Variants in MYOF observed in about 807,000 individuals in gnomAD.
MYOF encodes fer-1-like 3, myoferlin.
Under a neutral mutation model 284.2 loss-of-function variants are expected in MYOF, and 244 were observed. The ratio of observed to expected loss-of-function variants is 0.86; its 90% CI spans 0.77 to 0.95. MYOF has a LOEUF of 0.95. MYOF is among the 40% of genes least tolerant of loss of function. The probability of loss-of-function intolerance (pLI) is 0.00; values close to 1 mark genes in which losing one functional copy is unlikely to be tolerated. For synonymous variants in MYOF, 904 were observed against 919.7 expected (o/e 0.98, Z 0.31); for missense variants, 2,496 against 2,560.6 (o/e 0.97, Z 0.54).
At chr10:93,423,235 C>G (rs1848428944) in intron 5 of MYOF, among the ~76,000 whole-genome samples, 1 of 151,920 alleles carries the variant, frequency 6.6e-6, no homozygotes, top group African/African-American at 2.4e-5. Flanking sequence ...GACATGGACA[C>G]ACAGAGAGGG....
At chr10:93,453,089 T>A (rs575905259) in intron 2 of MYOF, among the ~76,000 whole-genome samples, 1 of 152,292 alleles carries the variant, frequency 6.6e-6, no homozygotes, top group East Asian at 1.9e-4. Context: ...CTTAAAAAAT[T>A]ATTTTTAGCA....
At chr10:93,449,195 G>A (rs2056522195) in intron 3 of MYOF, among the ~76,000 whole-genome samples, 1 of 152,178 alleles carries the variant, frequency 6.6e-6, no homozygotes, top group Admixed American at 6.6e-5. Context: ...AAGAATGTGT[G>A]CAGAATATCA....
chr10:93,369,068 G>C (rs1239903826), intron 25 of MYOF, among the ~76,000 whole-genome samples: 3 of 135,578 alleles, frequency 2.2e-5, no homozygotes, highest in Non-Finnish European at 4.6e-5. Flanking sequence ...CTCAGTGAAG[G>C]TTTTACAAAT....
chr10:93,422,928 G>T (rs1848417870), intron 5 of MYOF, among the ~76,000 whole-genome samples: 1 of 151,540 alleles, frequency 6.6e-6, no homozygotes, highest in South Asian at 2.1e-4. Context: ...TTTCCTAAAG[G>T]CCTGGCAGAA....
intron 8 of MYOF, 42 bp from the exon 9 acceptor site, chr10:93,404,115 T>C (rs1412263856): frequency 1.2e-6 from 2 of 1,613,944 alleles, no homozygotes; most frequent in Admixed American, 1.7e-5. Context: ...TGGCTTTGCC[T>C]GGCAGTGAGT....
At chr10:93,307,057 G>A in intron 53 of MYOF, 56 bp from the exon 54 acceptor site, 1 of 1,483,978 alleles carries the variant, frequency 6.7e-7, no homozygotes, top group Non-Finnish European at 9.3e-7. Context: ...ATGTTTTTCA[G>A]TTAGGGTTTC....
intron 4 of MYOF, among the ~76,000 whole-genome samples, chr10:93,427,304 G>A (rs1848637632): frequency 6.6e-6 from 1 of 151,888 alleles, no homozygotes; most frequent in African/African-American, 2.4e-5. Flanking sequence ...AGGCCAAGGT[G>A]GGTGGATCAC....
intron 53 of MYOF, among the ~76,000 whole-genome samples, chr10:93,309,107 G>A (rs1047395695): frequency 1.2e-4 from 18 of 152,160 alleles, no homozygotes; most frequent in Non-Finnish European, 1.6e-4. Context: ...GGCTTCCTCT[G>A]CCTGGACTAT....
chr10:93,328,839 G>T lies in MYOF; in HGVS notation c.5055C>A (p.Gly1685=). The change falls in exon 45 of 54, where the codon GGC becomes GGA. Residue 1685 remains glycine (G), a synonymous_variant. Coordinates refer to ENST00000359263, the MANE Select transcript of MYOF (RefSeq NM_013451.4). The part of the protein sequence containing the change: ...QLLQNVARFK[G]FPQPILSEDG... Reference sequence around the variant, plus strand: ...CTTCGGAAAGGATGGGTTGTGGGAAGCCTTTGAATCTGGCGACATTTTGAA... The same window carrying T: ...CTTCGGAAAGGATGGGTTGTGGGAATCCTTTGAATCTGGCGACATTTTGAA... 1 of 1,613,776 alleles carries T rather than the reference G, an allele frequency of 6.2e-7. No homozygotes were observed. The highest frequency in any genetic ancestry group is 1.1e-5 in the South Asian group (1 of 91,008).
chr10:93,347,379 C>T (rs1023905384), intron 37 of MYOF, among the ~76,000 whole-genome samples: 2 of 150,098 alleles, frequency 1.3e-5, no homozygotes, highest in East Asian at 2.0e-4. Flanking sequence ...GGTGAAACCC[C>T]GTCTCTACTA....
At chr10:93,409,877 G>A in intron 5 of MYOF, 138 bp from the exon 6 acceptor site, 1 of 1,037,026 alleles carries the variant, frequency 9.6e-7, no homozygotes, top group Non-Finnish European at 1.4e-6. Context: ...AGATCCTCTT[G>A]GTGACACTGA....
chr10:93,397,072 T>G (rs1847049715), intron 15 of MYOF, 175 bp downstream of exon 15: 1 of 521,960 alleles, frequency 1.9e-6, no homozygotes, highest in Non-Finnish European at 3.3e-6. Context: ...CGAAGCTTTT[T>G]TTGCAGTAAC....
intron 44 of MYOF, 72 bp downstream of exon 44, chr10:93,329,592 G>A (rs1261213576): frequency 1.3e-6 from 2 of 1,533,878 alleles, no homozygotes; most frequent in Non-Finnish European, 9.0e-7. Flanking sequence ...CACTAAGGTA[G>A]AGGGCCTAGG....
At chr10:93,362,389 C>A (rs1845118761) in intron 27 of MYOF, among the ~76,000 whole-genome samples, 6 of 152,000 alleles carry the variant, frequency 3.9e-5, no homozygotes, top group Admixed American at 3.9e-4. Context: ...GGATTACAGG[C>A]ACCTGCCACC....
chr10:93,459,591 T>G (rs767407117), intron 1 of MYOF, among the ~76,000 whole-genome samples: 1 of 152,204 alleles, frequency 6.6e-6, no homozygotes, highest in African/African-American at 2.4e-5. Flanking sequence ...TTTGCCACCA[T>G]GCCACAGTGC....
chr10:93,358,987 G>T (rs1431387772), intron 29 of MYOF, among the ~76,000 whole-genome samples: 1 of 151,744 alleles, frequency 6.6e-6, no homozygotes, highest in Non-Finnish European at 1.5e-5. Context: ...TCATTTATTT[G>T]ACTAGATTAT....
intron 3 of MYOF, among the ~76,000 whole-genome samples, chr10:93,434,434 A>G (rs1303936265): frequency 1.8e-5 from 2 of 111,598 alleles, no homozygotes; most frequent in African/African-American, 5.9e-5. Context: ...CTGTCTCAAA[A>G]AAAAAAAAAA....
chr10:93,402,648 TTAAGA>T (rs1847352527), intron 10 of MYOF, among the ~76,000 whole-genome samples: 2 of 152,196 alleles, frequency 1.3e-5, no homozygotes, highest in Non-Finnish European at 2.9e-5. Flanking sequence ...ATTTTGAATG[TTAAGA>T]TAAAAAATTA....
chr10:93,409,472 C>G, intron 6 of MYOF, 101 bp downstream of exon 6: 1 of 1,334,918 alleles, frequency 7.5e-7, no homozygotes, highest in Non-Finnish European at 1.0e-6. Context: ...CCGGTTGAGC[C>G]ATTGTCCATT....
Sources: gnomAD v4.1 joint callset for allele counts (sites outside exome capture counted in the v4.1 genomes callset) on GRCh38, gnomAD v4.1.1 for gene constraint, MANE v1.5 for transcripts, NCBI Gene and HGNC (gene_info 2026-07-23, HGNC 2026-07-21) for gene names.